Variants in FYB1 observed in about 807,000 individuals in gnomAD.
FYB1 encodes FYN-binding protein 1.
FYB1 carries 41 observed loss-of-function variants against 94.1 expected under a neutral mutation model. The observed-to-expected ratio is 0.44, with a 90% CI of 0.34 to 0.57. The LOEUF (loss-of-function observed/expected upper bound fraction) is 0.57. Ranked by LOEUF, FYB1 falls within the 20% of genes least tolerant of loss-of-function variation. The probability of loss-of-function intolerance (pLI) is 0.02; values close to 1 mark genes in which losing one functional copy is unlikely to be tolerated. For synonymous variants in FYB1, 367 were observed against 353.2 expected, an observed-to-expected ratio of 1.04 and a Z score of -0.44; for missense variants, 1,050 against 976.8, an observed-to-expected ratio of 1.07 and a Z score of -1.00.
At chr5:39,218,362 G>C (rs1750040355) in intron 1 of FYB1, among the ~76,000 whole-genome samples, 1 of 151,984 alleles carries the variant, frequency 6.6e-6, no homozygotes, top group African/African-American at 2.4e-5. Flanking sequence ...TAAGGTATCG[G>C]ACTATTTGAA....
intron 1 of FYB1, among the ~76,000 whole-genome samples, chr5:39,249,258 T>G (rs1434421315): frequency 1.3e-5 from 2 of 152,220 alleles, no homozygotes; most frequent in African/African-American, 2.4e-5. Context: ...TCTGACTTTA[T>G]CCACTAGGCC....
At chr5:39,229,498 C>G (rs1750627082) in intron 1 of FYB1, among the ~76,000 whole-genome samples, 1 of 152,030 alleles carries the variant, frequency 6.6e-6, no homozygotes, top group South Asian at 2.1e-4. Context: ...TAAGTCTGAC[C>G]AAGGCGGGTG....
chr5:39,136,435 T>A (rs150871585), intron 7 of FYB1, among the ~76,000 whole-genome samples: 1 of 152,194 alleles, frequency 6.6e-6, no homozygotes, highest in African/African-American at 2.4e-5. Flanking sequence ...AGATTGGTAG[T>A]CATGCATTCT....
intron 1 of FYB1, chr5:39,270,508 T>G: frequency 6.7e-7 from 1 of 1,482,016 alleles, no homozygotes; most frequent in East Asian, 2.5e-5. Flanking sequence ...GACTGTTCTA[T>G]GCAGAGAAGA....
upstream of FYB1, chr5:39,219,591 T>C: frequency 1.0e-6 from 1 of 985,470 alleles, no homozygotes; most frequent in Non-Finnish European, 1.2e-6. Flanking sequence ...GGCAGGGTTT[T>C]GTCCCGGTCA....
chr5:39,251,426 C>T (rs1751705734), intron 1 of FYB1, among the ~76,000 whole-genome samples: 1 of 152,146 alleles, frequency 6.6e-6, no homozygotes, highest in African/African-American at 2.4e-5. Context: ...ATCATTTGAA[C>T]TGGAACTGTA....
chr5:39,230,991 A>C lies in FYB1; in HGVS notation c.-27-28004T>G, dbSNP rs373710112. On this transcript the variant is annotated intron_variant, in intron 1 of 1. Transcript: ENST00000510188. ...ATCTTGTGCAAATATCTTTCTATTT[A>C]AAAAGGAAAATATACTAAAGTGTTG... Among the ~76,000 whole-genome samples the C allele has an allele frequency of 4.6e-5, 7 of 152,128 alleles. No individual in the cohort carries two copies. The East Asian group carries it at 1.2e-3, about 25-fold the overall frequency.
intron 1 of FYB1, among the ~76,000 whole-genome samples, chr5:39,238,096 G>A (rs1751048828): frequency 1.3e-5 from 2 of 152,046 alleles, no homozygotes; most frequent in Non-Finnish European, 2.9e-5. Flanking sequence ...ACACCACCAT[G>A]TGAATGTACT....
chr5:39,185,516 T>TTA (rs1746663910), intron 2 of FYB1, among the ~76,000 whole-genome samples: 2 of 110,736 alleles, frequency 1.8e-5, no homozygotes, highest in African/African-American at 6.8e-5. Flanking sequence ...GATAACTGAC[T>TTA]AAAAAAAAAA....
At chr5:39,272,998 C>T (rs535088961) in intron 1 of FYB1, among the ~76,000 whole-genome samples, 9 of 152,330 alleles carry the variant, frequency 5.9e-5, no homozygotes, top group Non-Finnish European at 1.3e-4. Flanking sequence ...CCCACCCGGC[C>T]GGCTGCCCTG....
chr5:39,247,877 C>T (rs1751552729), intron 1 of FYB1, among the ~76,000 whole-genome samples: 1 of 54,048 alleles, frequency 1.9e-5, no homozygotes, highest in Admixed American at 2.2e-4. Flanking sequence ...TGGCTTTGGG[C>T]TTACTTTCTT....
chr5:39,247,860 T>C (rs1411107067), intron 1 of FYB1, among the ~76,000 whole-genome samples: 3 of 143,748 alleles, frequency 2.1e-5, no homozygotes, highest in Non-Finnish European at 4.7e-5. Flanking sequence ...GCAATAACTT[T>C]TTTTCTTGGC....
intron 2 of FYB1, among the ~76,000 whole-genome samples, chr5:39,181,419 G>A (rs1746217489): frequency 1.3e-5 from 2 of 151,968 alleles, no homozygotes; most frequent in African/African-American, 4.8e-5. Flanking sequence ...TGTGGTTAGT[G>A]GATACTATAT....
intron 2 of FYB1, among the ~76,000 whole-genome samples, chr5:39,183,585 G>T (rs1156801592): frequency 1.3e-5 from 2 of 152,142 alleles, no homozygotes; most frequent in Non-Finnish European, 2.9e-5. Context: ...CATACCAACT[G>T]CCTGGTTTAC....
At chr5:39,174,337 C>A (rs1745511757) in intron 2 of FYB1, among the ~76,000 whole-genome samples, 1 of 152,076 alleles carries the variant, frequency 6.6e-6, no homozygotes, top group Non-Finnish European at 1.5e-5. Flanking sequence ...GAACAAATGA[C>A]CAAGGAATCA....
rs751764845 is a variant in FYB1 at position 39,119,641 on chromosome 5, C to T, written c.2139-7G>A. On this transcript the variant is annotated splice_region_variant and splice_polypyrimidine_tract_variant and intron_variant, in intron 14 of 18. Coordinates refer to ENST00000512982, the MANE Select transcript of FYB1 (RefSeq NM_001465.6). ...TCCAACATTAGTTCCTTGACTAGAA[C>T]GGCAGAACACACATAAAACAACACT... is the stretch of plus-strand genomic sequence containing the variant. 60 of 1,509,180 alleles carry T rather than the reference C, an allele frequency of 4.0e-5. No individual in the cohort carries two copies. The highest frequency in any genetic ancestry group is 2.7e-4 in the East Asian group (11 of 40,688). The allele number at this position is 1,509,180 out of a possible 1,614,324, so 93.5% of individuals were successfully genotyped here. A position where few individuals can be genotyped will look rare whatever the true frequency, so the allele number is the denominator to read the frequency against.
intron 17 of FYB1, among the ~76,000 whole-genome samples, chr5:39,110,143 A>G (rs1278475268): frequency 6.6e-6 from 1 of 152,142 alleles, no homozygotes; most frequent in Non-Finnish European, 1.5e-5. Flanking sequence ...TTTAAATGAG[A>G]AGGGCTCCTC....
chr5:39,246,113 G>A (rs879381509), intron 1 of FYB1, among the ~76,000 whole-genome samples: 9 of 152,132 alleles, frequency 5.9e-5, no homozygotes, highest in South Asian at 2.1e-4. Context: ...GAGAGAATAA[G>A]TGAAGTAGGT....
chr5:39,139,522 C>T, intron 4 of FYB1: 1 of 212,656 alleles, frequency 4.7e-6, no homozygotes, highest in Non-Finnish European at 9.2e-6. Flanking sequence ...CTGTTTATTA[C>T]CTTTATGAAA....
Sources: allele counts gnomAD v4.1 joint callset (sites outside exome capture counted in the v4.1 genomes callset), GRCh38; gene constraint gnomAD v4.1.1; transcripts MANE v1.5; gene names NCBI Gene and HGNC (gene_info 2026-07-23, HGNC 2026-07-21).